AKT1: variants seen among roughly 807,000 people sequenced by gnomAD.
AKT1 encodes RAC-alpha serine/threonine-protein kinase.
AKT1 carries 21 observed loss-of-function variants against 63.1 expected under a neutral mutation model. The observed-to-expected ratio is 0.33, with a 90% CI of 0.24 to 0.48. The LOEUF (loss-of-function observed/expected upper bound fraction) is 0.48, where lower values mean the gene tolerates loss of function less well. AKT1 is among the 20% of genes least tolerant of loss of function. AKT1 has a pLI of 0.99. For synonymous variants in AKT1, 257 were observed against 253.1 expected (o/e 1.02, Z -0.15); for missense variants, 382 against 666.0 (o/e 0.57, Z 4.69).
In AKT1 at chr14:104,772,350, G is replaced by C. The variant is rs774786647; in HGVS notation, c.1260+15C>G. Reference sequence around the variant, plus strand: ...GGAGCATGCGTGCGCGTGAATATGCGGGGAGCAGCCGCACCTTCTTCTCGT... The same window carrying C: ...GGAGCATGCGTGCGCGTGAATATGCCGGGAGCAGCCGCACCTTCTTCTCGT... On this transcript the variant is annotated intron_variant, in intron 13 of 14. Transcript: ENST00000649815. 1 of 1,613,342 alleles carries C rather than the reference G, an allele frequency of 6.2e-7. No homozygotes were observed. The highest frequency in any genetic ancestry group is 8.5e-7 in the Non-Finnish European group (1 of 1,179,644).
intron 3 of AKT1, among the ~76,000 whole-genome samples, chr14:104,780,723 C>T (rs1355420545): frequency 6.6e-6 from 1 of 151,720 alleles, no homozygotes; most frequent in African/African-American, 2.4e-5. Flanking sequence ...GCCCCCCCCG[C>T]CCCGCCGCCA....
chr14:104,772,513 G>A, intron 12 of AKT1, 61 bp from the exon 13 acceptor site: 3 of 1,556,200 alleles, frequency 1.9e-6, no homozygotes, highest in South Asian at 2.2e-5. Context: ...CCTGGGTTCA[G>A]GCCCCTTCCT....
chr14:104,774,218 A>C (rs2140912317), intron 8 of AKT1: 15 of 506,108 alleles, frequency 3.0e-5, no homozygotes, highest in East Asian at 7.3e-5. Context: ...CACTGCCCCC[A>C]TGCCACGCTG....
At chr14:104,784,631 A>T (rs531970100) in intron 3 of AKT1, among the ~76,000 whole-genome samples, 1 of 152,156 alleles carries the variant, frequency 6.6e-6, no homozygotes, top group Non-Finnish European at 1.5e-5. Context: ...TCTGAGAGGA[A>T]GCTGCTCCTG....
intron 3 of AKT1, among the ~76,000 whole-genome samples, chr14:104,782,554 T>A (rs1595254376): frequency 6.6e-6 from 1 of 152,078 alleles, no homozygotes; most frequent in Non-Finnish European, 1.5e-5. Context: ...GGGCGGCGCT[T>A]ACCAGGCGTG....
intron 4 of AKT1, chr14:104,777,558 G>A (rs1052498166): frequency 1.4e-5 from 14 of 1,013,244 alleles, no homozygotes; most frequent in Non-Finnish European, 1.7e-5. Flanking sequence ...GCACACCTGG[G>A]GAACACATAC....
intron 3 of AKT1, among the ~76,000 whole-genome samples, chr14:104,784,539 G>A (rs921935396): frequency 6.6e-6 from 1 of 152,056 alleles, no homozygotes; most frequent in African/African-American, 2.4e-5. Flanking sequence ...CCCCAACCCC[G>A]CTCATCCCCA....
At chr14:104,787,245 T>C (rs1893379241) in intron 3 of AKT1, among the ~76,000 whole-genome samples, 1 of 152,038 alleles carries the variant, frequency 6.6e-6, no homozygotes, top group South Asian at 2.1e-4. Context: ...GGAACTCCCG[T>C]TGGAGATGAG....
chr14:104,776,722 A>G lies in AKT1; in HGVS notation c.224T>C (p.Ile75Thr). 6.2e-7 allele frequency: 1 copy of G among 1,613,490 alleles called. No individual in the cohort carries two copies. Among genetic ancestry groups the G allele is most frequent in the Non-Finnish European group, 8.5e-7 (1 of 1,179,868 alleles). ...GACAGTGGTCCACTGCAGGCAGCGG[A>G]TGATGAAGGTGTTGGGCCGGGGCCG... ...TERPRPNTFI[I>T]RCLQWTTVIE... Residue 75 changes from isoleucine (I) to threonine (T), a missense_variant, in exon 5 of 15, where the codon ATC becomes ACC. Physicochemically the swap from Ile to Thr is moderately conservative, Grantham distance 89. Transcript: ENST00000649815.
intron 4 of AKT1, chr14:104,777,242 T>G (rs1312307347): frequency 9.4e-6 from 2 of 213,004 alleles, no homozygotes; most frequent in Non-Finnish European, 1.9e-5. Context: ...CACCCACACC[T>G]GGGGCACACC....
rs182486805 is a variant in AKT1 at position 104,783,762 on chromosome 14, C to T, written c.47-3546G>A. Among the ~76,000 whole-genome samples the T allele has an allele frequency of 2.7e-3, 415 of 152,286 alleles. 2 individuals carry two copies. The highest frequency in any genetic ancestry group is 0.02 in the Middle Eastern group (6 of 294). ...GGGCCTCTTCAGTCCCTAACTCTCA[C>T]ACCCCCATGCTGGGCTCAAGAACCC... On this transcript the variant is annotated intron_variant, in intron 3 of 14. Coordinates refer to ENST00000649815, the MANE Select transcript of AKT1 (RefSeq NM_001382430.1).
At chr14:104,772,270 G>T in intron 13 of AKT1, 95 bp downstream of exon 13, 1 of 1,333,500 alleles carries the variant, frequency 7.5e-7, no homozygotes, top group Non-Finnish European at 1.1e-6. Flanking sequence ...GTGAGGGCGA[G>T]TGTGTGGGAA....
chr14:104,791,904 A>C (rs1893649246), intron 3 of AKT1, among the ~76,000 whole-genome samples: 2 of 152,226 alleles, frequency 1.3e-5, no homozygotes, highest in African/African-American at 4.8e-5. Flanking sequence ...ACAGAGGAGC[A>C]AAACAGCCAC....
At position 104,770,215 on chromosome 14, in the gene AKT1, G is replaced by A; in HGVS notation, c.*126C>T. 1 of 1,062,130 alleles carries A rather than the reference G, an allele frequency of 9.4e-7. No individual in the cohort carries two copies. 65.8% of individuals were successfully genotyped at this position (1,062,130 alleles called of 1,614,324 possible). A position where few individuals can be genotyped will look rare whatever the true frequency, so the allele number is the denominator to read the frequency against. ...CAGCACAAAAACGTCTTTCCATCTG[G>A]GCTCGAGAGGACAGCGTGGCTTCTC... On this transcript the variant is annotated 3_prime_UTR_variant, in exon 15 of 15. Coordinates refer to ENST00000649815, the MANE Select transcript of AKT1 (RefSeq NM_001382430.1).
chr14:104,774,073 G>A (rs1459243823), intron 8 of AKT1, 93 bp from the exon 9 acceptor site: 40 of 1,240,352 alleles, frequency 3.2e-5, no homozygotes, highest in South Asian at 8.9e-5. Context: ...ATACCACGTC[G>A]CCTGATACCA....
chr14:104,791,310 G>C (rs1893615295), intron 3 of AKT1, among the ~76,000 whole-genome samples: 1 of 152,042 alleles, frequency 6.6e-6, no homozygotes, highest in Non-Finnish European at 1.5e-5. Context: ...AGGACCTCCA[G>C]GCACAGGTGG....
At chr14:104,789,925 C>T (rs1408727408) in intron 3 of AKT1, among the ~76,000 whole-genome samples, 1 of 152,220 alleles carries the variant, frequency 6.6e-6, no homozygotes, top group East Asian at 1.9e-4. Flanking sequence ...CCCTTCTGTC[C>T]CTGAAGCTCC....
intron 4 of AKT1, 43 bp from the exon 5 acceptor site, chr14:104,776,813 C>A (rs2140931708): frequency 3.2e-6 from 5 of 1,559,352 alleles, no homozygotes; most frequent in Non-Finnish European, 4.4e-6. Context: ...TCCCCCTGCC[C>A]CTCCCAGGGC....
intron 2 of AKT1, 110 bp from the exon 3 acceptor site, chr14:104,792,832 C>G (rs1029753865): frequency 3.0e-6 from 2 of 665,038 alleles, no homozygotes; most frequent in African/African-American, 3.6e-5. Context: ...CCACCCGCAC[C>G]TGCCTTCCCA....
Sources: gnomAD v4.1 joint callset for allele counts (sites outside exome capture counted in the v4.1 genomes callset) on GRCh38, gnomAD v4.1.1 for gene constraint, MANE v1.5 for transcripts, NCBI Gene and HGNC (gene_info 2026-07-23, HGNC 2026-07-21) for gene names.